The following DOP1A variants were observed in gnomAD, a reference collection of about 807,000 sequenced individuals.
DOP1A encodes the protein DOP1 leucine zipper like protein A, also known as protein DOP1A.
In DOP1A, 90 loss-of-function variants were observed where a neutral mutation model predicts 267.6. That is an observed-to-expected ratio of 0.34 (90% CI 0.28 to 0.40). The LOEUF (loss-of-function observed/expected upper bound fraction) is 0.40. Among genes scored for constraint, DOP1A ranks in the 10% least tolerant of loss-of-function variants. The pLI is 1.00. For synonymous variants in DOP1A, 932 were observed against 999.1 expected (o/e 0.93, Z 1.27); for missense variants, 2,437 against 2,900.4 (o/e 0.84, Z 3.67).
intron 16 of DOP1A, 143 bp downstream of exon 16, chr6:83,129,651 T>C (rs1777724086): frequency 1.3e-6 from 1 of 768,784 alleles, no homozygotes; most frequent in South Asian, 3.4e-5. Flanking sequence ...AAAAATGAAA[T>C]ACTGTCACTA....
chr6:83,136,430 A>C (rs562535), intron 20 of DOP1A, among the ~76,000 whole-genome samples: 34,681 of 152,006 alleles, frequency 0.23, 4,050 homozygotes, highest in Non-Finnish European at 0.24. Context: ...CCTTAGATTA[A>C]TTTATTTCAT....
At chr6:83,170,610 G>T, downstream of DOP1A, 1 of 725,434 alleles carries the variant, frequency 1.4e-6, no homozygotes, top group Non-Finnish European at 2.2e-6. Flanking sequence ...TCCAAGGTCA[G>T]GGTAATTAAT....
At chr6:83,120,812 G>T (rs1055286135) in intron 10 of DOP1A, 21 bp downstream of exon 10, 2 of 1,449,220 alleles carry the variant, frequency 1.4e-6, no homozygotes, top group African/African-American at 1.4e-5. Context: ...CTGTCCTAGG[G>T]CATAAGGTCA....
At chr6:83,150,502 A>C (rs1781436403) in intron 27 of DOP1A, among the ~76,000 whole-genome samples, 1 of 152,218 alleles carries the variant, frequency 6.6e-6, no homozygotes, top group African/African-American at 2.4e-5. Context: ...TTTCAGTTAT[A>C]CTAGAAACTT....
At chr6:83,162,950 T>C in intron 38 of DOP1A, 31 bp downstream of exon 38, 2 of 1,599,464 alleles carry the variant, frequency 1.3e-6, no homozygotes, top group South Asian at 1.1e-5. Flanking sequence ...TGTTTTGTTT[T>C]ACATCACTAC....
intron 27 of DOP1A, among the ~76,000 whole-genome samples, chr6:83,151,057 G>A (rs1781573194): frequency 6.6e-6 from 1 of 152,124 alleles, no homozygotes. Context: ...TAAATATTTT[G>A]TGTCGGCTTC....
chr6:83,142,694 T>C (rs1779854647), intron 24 of DOP1A, among the ~76,000 whole-genome samples: 1 of 152,186 alleles, frequency 6.6e-6, no homozygotes, highest in Non-Finnish European at 1.5e-5. Flanking sequence ...TCATCTTGAC[T>C]ATAGTTTACT....
chr6:83,106,655 C>T (rs1773656679), intron 4 of DOP1A, among the ~76,000 whole-genome samples: 1 of 151,914 alleles, frequency 6.6e-6, no homozygotes, highest in Non-Finnish European at 1.5e-5. Context: ...ACTAAAAATA[C>T]AAAAATTAGC....
intron 38 of DOP1A, among the ~76,000 whole-genome samples, chr6:83,164,350 T>C (rs1268809499): frequency 1.3e-5 from 2 of 151,810 alleles, no homozygotes; most frequent in Non-Finnish European, 2.9e-5. Context: ...AGGACTTTGG[T>C]ACTTTCAATT....
intron 1 of DOP1A, among the ~76,000 whole-genome samples, chr6:83,088,897 AAT>A: frequency 6.6e-6 from 1 of 152,238 alleles, no homozygotes; most frequent in Non-Finnish European, 1.5e-5. Context: ...AGATGGTAAC[AAT>A]TACTGAATGG....
intron 1 of DOP1A, among the ~76,000 whole-genome samples, chr6:83,085,201 T>C (rs146995049): frequency 1.3e-5 from 2 of 152,312 alleles, no homozygotes; most frequent in Non-Finnish European, 2.9e-5. Flanking sequence ...TTTAACTATA[T>C]TGTCGTTGAT....
At position 83,112,066 on chromosome 6, in the gene DOP1A, T is replaced by C. The variant is rs568855837; in HGVS notation, c.682-1257T>C. 9.2e-5 allele frequency among the ~76,000 whole-genome samples: 14 copies of C among 152,304 alleles called. No homozygotes were observed. The East Asian group carries it at 2.7e-3, about 29-fold the overall frequency. On this transcript the variant is annotated intron_variant, in intron 6 of 38. Coordinates refer to ENST00000349129, the MANE Select transcript of DOP1A (RefSeq NM_015018.4). ...TTTAAATTCAGGTTTTAAAATATAC[T>C]GTTACATTTCTTTTGAATAACTTAA...
intron 28 of DOP1A, 94 bp from the exon 29 acceptor site, chr6:83,151,789 G>T (rs1781734680): frequency 6.9e-7 from 1 of 1,451,524 alleles, no homozygotes; most frequent in South Asian, 1.3e-5. Flanking sequence ...CAAGTCTATT[G>T]TAAAATATCT....
At chr6:83,141,822 A>G (rs1779696823) in intron 23 of DOP1A, 99 bp from the exon 24 acceptor site, 6 of 1,197,956 alleles carry the variant, frequency 5.0e-6, no homozygotes, top group Non-Finnish European at 6.9e-6. Flanking sequence ...AAAACCTATA[A>G]GTACTATATT....
chr6:83,089,846 A>T (rs1770010139), intron 1 of DOP1A, among the ~76,000 whole-genome samples: 1 of 152,206 alleles, frequency 6.6e-6, no homozygotes, highest in Non-Finnish European at 1.5e-5. Flanking sequence ...TCTTAACTGT[A>T]GTGAAGAATC....
chr6:83,076,198 A>G (rs1161106959), intron 1 of DOP1A, among the ~76,000 whole-genome samples: 5 of 152,194 alleles, frequency 3.3e-5, no homozygotes, highest in African/African-American at 1.2e-4. Flanking sequence ...CATTTTTCCA[A>G]AGATGATATA....
At chr6:83,080,346 A>C (rs1391367929) in intron 1 of DOP1A, among the ~76,000 whole-genome samples, 3 of 152,244 alleles carry the variant, frequency 2.0e-5, no homozygotes, top group Non-Finnish European at 2.9e-5. Flanking sequence ...ACTAAACCAG[A>C]ATATTAAACT....
downstream of DOP1A, chr6:83,170,877 A>G (rs902496939): frequency 3.1e-5 from 5 of 161,238 alleles, no homozygotes; most frequent in African/African-American, 4.8e-5. Context: ...AGTACCTCCA[A>G]TTGTCTTTCA....
At chr6:83,113,457 C>A (rs1328394314) in intron 7 of DOP1A, 36 bp downstream of exon 7, 1 of 1,526,416 alleles carries the variant, frequency 6.6e-7, no homozygotes, top group East Asian at 2.3e-5. Flanking sequence ...ATAAGGCATT[C>A]TTGGAAAACT....
Sources: gnomAD v4.1 joint callset for allele counts (sites outside exome capture counted in the v4.1 genomes callset) on GRCh38, gnomAD v4.1.1 for gene constraint, MANE v1.5 for transcripts, NCBI Gene and HGNC (gene_info 2026-07-23, HGNC 2026-07-21) for gene names.